The following ADAM12 variants were observed in gnomAD, a reference collection of about 807,000 sequenced individuals.
The protein encoded by ADAM12 is disintegrin and metalloproteinase domain-containing protein 12.
Under a neutral mutation model 106.4 loss-of-function variants are expected in ADAM12, and 70 were observed. The ratio of observed to expected loss-of-function variants is 0.66; its 90% CI spans 0.54 to 0.80. The LOEUF (loss-of-function observed/expected upper bound fraction) is 0.80, where lower values mean the gene tolerates loss of function less well. ADAM12 is among the 30% of genes least tolerant of loss of function. The probability of loss-of-function intolerance (pLI) is 0.00; values close to 1 mark genes in which losing one functional copy is unlikely to be tolerated. For synonymous variants in ADAM12, 420 were observed against 433.5 expected, an observed-to-expected ratio of 0.97 and a Z score of 0.39; for missense variants, 1,010 against 1,171.9, an observed-to-expected ratio of 0.86 and a Z score of 2.02.
intron 2 of ADAM12, among the ~76,000 whole-genome samples, chr10:126,308,792 T>G (rs1371637702): frequency 6.6e-6 from 1 of 152,196 alleles, no homozygotes; most frequent in Non-Finnish European, 1.5e-5. Flanking sequence ...TATCATCTCA[T>G]AGTTAGCAAC....
chr10:126,244,037 C>G (rs1251112651), intron 3 of ADAM12, among the ~76,000 whole-genome samples: 1 of 152,186 alleles, frequency 6.6e-6, no homozygotes, highest in Non-Finnish European at 1.5e-5. Flanking sequence ...CTAGTCATTT[C>G]CAGACTGCCT....
At chr10:126,365,028 A>G (rs10751548) in intron 1 of ADAM12, among the ~76,000 whole-genome samples, 104,487 of 152,014 alleles carry the variant, frequency 0.69, 36,141 homozygotes, top group Admixed American at 0.75. Flanking sequence ...TCTACAGCAC[A>G]CTCATTCTGG....
At chr10:126,168,502 A>G (rs1957064321) in intron 3 of ADAM12, among the ~76,000 whole-genome samples, 2 of 152,172 alleles carry the variant, frequency 1.3e-5, no homozygotes, top group African/African-American at 2.4e-5. Flanking sequence ...TACTCAGCAA[A>G]TGGAAGCAAT....
At chr10:126,076,993 C>T (rs1428291340) in intron 11 of ADAM12, among the ~76,000 whole-genome samples, 2 of 152,128 alleles carry the variant, frequency 1.3e-5, no homozygotes, top group Non-Finnish European at 2.9e-5. Context: ...TAATTCTATA[C>T]ATAGAAAATG....
At chr10:126,326,176 T>C (rs764388802) in intron 2 of ADAM12, among the ~76,000 whole-genome samples, 7 of 151,988 alleles carry the variant, frequency 4.6e-5, no homozygotes, top group Non-Finnish European at 8.8e-5. Flanking sequence ...ATCTAAGCCT[T>C]GGGTGCTCAC....
intron 18 of ADAM12, among the ~76,000 whole-genome samples, 193 bp from the exon 19 acceptor site, chr10:126,039,622 C>A (rs368010979): frequency 6.6e-6 from 1 of 152,222 alleles, no homozygotes; most frequent in African/African-American, 2.4e-5. Context: ...TACCATCATT[C>A]ATTTCTGACA....
intron 4 of ADAM12, among the ~76,000 whole-genome samples, chr10:126,150,108 T>A (rs1358013262): frequency 6.6e-6 from 1 of 152,250 alleles, no homozygotes; most frequent in Non-Finnish European, 1.5e-5. Context: ...AGACAAGCAC[T>A]GTTCACCATC....
intron 4 of ADAM12, among the ~76,000 whole-genome samples, chr10:126,137,767 T>C (rs1956433230): frequency 6.6e-6 from 1 of 152,244 alleles, no homozygotes; most frequent in Non-Finnish European, 1.5e-5. Context: ...GATGAAAACA[T>C]ATTTTGCTTA....
intron 21 of ADAM12, among the ~76,000 whole-genome samples, chr10:126,028,124 A>G (rs1274746641): frequency 3.3e-5 from 5 of 152,174 alleles, no homozygotes; most frequent in Non-Finnish European, 4.4e-5. Flanking sequence ...ATGCAGCTAC[A>G]AGGGACATGA....
intron 3 of ADAM12, among the ~76,000 whole-genome samples, chr10:126,177,182 C>G (rs186098363): frequency 6.7e-6 from 1 of 149,720 alleles, no homozygotes; most frequent in Admixed American, 6.7e-5. Context: ...GCCAGGTTGT[C>G]AAGAAAAGAC....
chr10:126,346,117 G>A (rs1046903561), intron 1 of ADAM12, among the ~76,000 whole-genome samples: 3 of 152,078 alleles, frequency 2.0e-5, no homozygotes, highest in African/African-American at 7.2e-5. Flanking sequence ...TGATGTTAAG[G>A]TGTCAATTTT....
At chr10:126,169,839 C>G (rs1193959528) in intron 3 of ADAM12, among the ~76,000 whole-genome samples, 1 of 152,222 alleles carries the variant, frequency 6.6e-6, no homozygotes, top group Non-Finnish European at 1.5e-5. Flanking sequence ...CTTGGACACA[C>G]AGCTTTACAC....
intron 1 of ADAM12, among the ~76,000 whole-genome samples, chr10:126,354,707 T>C (rs1272521849): frequency 1.3e-5 from 2 of 152,150 alleles, no homozygotes; most frequent in African/African-American, 2.4e-5. Context: ...CTCCACCACA[T>C]AGACTTTAGG....
chr10:126,106,584 C>G (rs1955774458), intron 8 of ADAM12, among the ~76,000 whole-genome samples: 1 of 150,246 alleles, frequency 6.7e-6, no homozygotes, highest in Admixed American at 6.7e-5. Flanking sequence ...TTCCCGGGTT[C>G]AAGCAATTCT....
At chr10:126,149,898 G>A (rs531346547) in intron 4 of ADAM12, among the ~76,000 whole-genome samples, 5 of 152,102 alleles carry the variant, frequency 3.3e-5, no homozygotes, top group Non-Finnish European at 5.9e-5. Context: ...CCTTGTGATC[G>A]TGTGAGTCTG....
intron 2 of ADAM12, among the ~76,000 whole-genome samples, chr10:126,322,548 CCA>C (rs1374809650): frequency 2.6e-5 from 4 of 152,194 alleles, no homozygotes; most frequent in Admixed American, 6.5e-5. Flanking sequence ...TGCCCTCCCC[CCA>C]CACACAGCAA....
At chr10:126,140,882 C>T (rs752856095) in intron 4 of ADAM12, among the ~76,000 whole-genome samples, 8 of 152,068 alleles carry the variant, frequency 5.3e-5, no homozygotes, top group Non-Finnish European at 1.0e-4. Context: ...CAGTCTTCAA[C>T]CCCTGGGGGT....
intron 2 of ADAM12, among the ~76,000 whole-genome samples, chr10:126,294,345 T>A (rs1384100329): frequency 6.6e-6 from 1 of 152,222 alleles, no homozygotes; most frequent in Non-Finnish European, 1.5e-5. Context: ...TTGCTGAGGA[T>A]GAGGCTGGAA....
At chr10:126,280,603 A>G (rs1033598375) in intron 2 of ADAM12, among the ~76,000 whole-genome samples, 1 of 152,192 alleles carries the variant, frequency 6.6e-6, no homozygotes, top group Non-Finnish European at 1.5e-5. Context: ...CCACCTGAGA[A>G]TTAGATTATT....
Sources: gnomAD v4.1 joint callset for allele counts (sites outside exome capture counted in the v4.1 genomes callset) on GRCh38, gnomAD v4.1.1 for gene constraint, MANE v1.5 for transcripts, NCBI Gene and HGNC (gene_info 2026-07-23, HGNC 2026-07-21) for gene names.